Variants in AGAP6 observed in about 807,000 individuals in gnomAD.
AGAP6 encodes ArfGAP with GTPase domain, ankyrin repeat and PH domain 6.
AGAP6 carries 29 observed loss-of-function variants against 63.9 expected under a neutral mutation model. The ratio of observed to expected loss-of-function variants is 0.45; its 90% CI spans 0.34 to 0.62. AGAP6 has a LOEUF of 0.62. Among genes scored for constraint, AGAP6 ranks in the 20% least tolerant of loss-of-function variants. The probability of loss-of-function intolerance (pLI) is 0.01; values close to 1 mark genes in which losing one functional copy is unlikely to be tolerated. For missense variants in AGAP6, 493 were observed against 884.9 expected, an observed-to-expected ratio of 0.56 and a Z score of 5.62; for synonymous variants, 199 against 332.9, an observed-to-expected ratio of 0.60 and a Z score of 4.38.
chr10:49,995,461 C>G (rs1554861753), intron 4 of AGAP6, among the ~76,000 whole-genome samples: 1 of 152,122 alleles, frequency 6.6e-6, no homozygotes, highest in Non-Finnish European at 1.5e-5. Flanking sequence ...TGTTTTTCCC[C>G]CAAGTATTGT....
At chr10:50,006,663 G>A (rs558800109) in intron 6 of AGAP6, among the ~76,000 whole-genome samples, 74 of 152,182 alleles carry the variant, frequency 4.9e-4, no homozygotes, top group African/African-American at 1.7e-3. Flanking sequence ...TTTTACAGGC[G>A]TGAGCCACTG....
intron 3 of AGAP6, among the ~76,000 whole-genome samples, chr10:49,993,434 TTATTA>T (rs1247868908): frequency 6.6e-6 from 1 of 151,844 alleles, no homozygotes; most frequent in Non-Finnish European, 1.5e-5. Context: ...CTTGGGGCTT[TTATTA>T]TTCTGGCCTC....
intron 3 of AGAP6, among the ~76,000 whole-genome samples, chr10:49,993,165 C>G (rs1337009388): frequency 6.6e-6 from 1 of 152,192 alleles, no homozygotes; most frequent in Non-Finnish European, 1.5e-5. Context: ...CAAACACCTC[C>G]CACTAGGCCC....
intron 7 of AGAP6, 98 bp downstream of exon 7, chr10:50,008,174 A>G (rs1230760427): frequency 1.2e-6 from 2 of 1,601,284 alleles, no homozygotes; most frequent in Non-Finnish European, 1.7e-6. Flanking sequence ...TCCCCATTTC[A>G]TGTTGCATTT....
In AGAP6 at chr10:50,009,224, A is replaced by G. The variant is rs1554864856; in HGVS notation, c.1099A>G (p.Met367Val). 40 of 1,614,130 alleles carry G rather than the reference A, an allele frequency of 2.5e-5. No homozygotes were observed. The highest frequency in any genetic ancestry group is 4.5e-5 in the East Asian group (2 of 44,902). ...SSKSNGLSKD[M>V]DTGLGDSICF... ...TAAAAGCAATGGCCTATCCAAGGAC[A>G]TGGACACCGGGCTGGGTGACTCCAT... Residue 367 changes from methionine (M) to valine (V), a missense_variant, in exon 8 of 8, where the codon ATG (methionine) becomes GTG (valine). This residue lies in a region of AGAP6 where 342 missense variants were observed against 533.4 expected (regional missense o/e 0.64). Coordinates refer to ENST00000412531, the MANE Select transcript of AGAP6 (RefSeq NM_001077665.3).
chr10:50,001,463 G>A lies in AGAP6; in HGVS notation c.397-533G>A, dbSNP rs1451097372. Among the ~76,000 whole-genome samples, 99 of 103,184 alleles carry A rather than the reference G, an allele frequency of 9.6e-4. 1 individual carries two copies. The highest frequency in any genetic ancestry group is 3.2e-3 in the African/African-American group (94 of 29,548). 67.7% of individuals were successfully genotyped at this position (103,184 alleles called of 152,430 possible). ...GAGACGGAGTCTCACTTTGTCTGCC[G>A]GCCTGGAGTGCAGTGGCGCGAACTC... On this transcript the variant is annotated intron_variant, in intron 4 of 7. Transcript: ENST00000412531.
At chr10:50,005,101 A>G (rs1564714004) in intron 6 of AGAP6, among the ~76,000 whole-genome samples, 1 of 152,220 alleles carries the variant, frequency 6.6e-6, no homozygotes, top group Non-Finnish European at 1.5e-5. Flanking sequence ...TCTACCAACT[A>G]GATGTCAGTA....
chr10:50,005,373 A>G (rs1459093611), intron 6 of AGAP6, among the ~76,000 whole-genome samples: 5 of 152,204 alleles, frequency 3.3e-5, no homozygotes, highest in African/African-American at 1.2e-4. Context: ...GCACTTTGGG[A>G]GGCTGAGGCA....
chr10:49,988,425 T>G lies in AGAP6; in HGVS notation c.-291T>G, dbSNP rs1332221303. ...TCCGTCTGTTCTCTCTTCAGGCAGT[T>G]GTTGTGTCTCTCAGCGCTTGTTGGT... On this transcript the variant is annotated 5_prime_UTR_variant, in exon 1 of 8. Coordinates refer to ENST00000412531, the MANE Select transcript of AGAP6 (RefSeq NM_001077665.3). 1.5e-6 allele frequency: 2 copies of G among 1,351,120 alleles called. No homozygotes were observed. Among genetic ancestry groups the G allele is most frequent in the Non-Finnish European group, 1.9e-6 (2 of 1,043,724 alleles). The allele number at this position is 1,351,120 out of a possible 1,614,324, so 83.7% of individuals were successfully genotyped here.
chr10:50,005,349 C>A (rs1459373846), intron 6 of AGAP6, among the ~76,000 whole-genome samples: 2 of 152,180 alleles, frequency 1.3e-5, no homozygotes, highest in Non-Finnish European at 2.9e-5. Context: ...CGGTGGCTCA[C>A]GCCTGTAATC....
intron 6 of AGAP6, among the ~76,000 whole-genome samples, chr10:50,006,958 T>G (rs1418280466): frequency 6.6e-6 from 1 of 151,892 alleles, no homozygotes; most frequent in Non-Finnish European, 1.5e-5. Context: ...TGATTTATGC[T>G]GAGAAACCAG....
intron 2 of AGAP6, 78 bp from the exon 3 acceptor site, chr10:49,991,598 G>A: frequency 1.3e-6 from 2 of 1,573,234 alleles, no homozygotes; most frequent in Admixed American, 1.7e-5. Flanking sequence ...TAGCCTAAAT[G>A]CAGCAGTCGA....
At chr10:50,004,800 T>C in intron 6 of AGAP6, 80 bp downstream of exon 6, 1 of 614,774 alleles carries the variant, frequency 1.6e-6, no homozygotes, top group Non-Finnish European at 2.9e-6. Context: ...GTCACAGCTC[T>C]AGACATCATA....
At chr10:50,001,370 A>G (rs1177477859) in intron 4 of AGAP6, among the ~76,000 whole-genome samples, 5 of 145,498 alleles carry the variant, frequency 3.4e-5, no homozygotes, top group East Asian at 2.0e-4. Context: ...AGAAATTCTC[A>G]GCTGCTTTTT....
intron 6 of AGAP6, among the ~76,000 whole-genome samples, chr10:50,007,178 G>A (rs1169034351): frequency 2.4e-4 from 37 of 151,938 alleles, no homozygotes; most frequent in African/African-American, 8.7e-4. Flanking sequence ...GATTACCTGA[G>A]GTTAGGAGTT....
intron 4 of AGAP6, among the ~76,000 whole-genome samples, chr10:49,999,583 G>A (rs1841620086): frequency 8.1e-6 from 1 of 123,778 alleles, no homozygotes; most frequent in South Asian, 3.1e-4. Flanking sequence ...CTCACCACTT[G>A]TATTCAACAT....
chr10:50,005,726 GC>G (rs1206525810), intron 6 of AGAP6, among the ~76,000 whole-genome samples: 1 of 150,130 alleles, frequency 6.7e-6, no homozygotes, highest in Admixed American at 6.6e-5. Flanking sequence ...TTTGAGACCA[GC>G]CCGACCAACA....
chr10:49,998,697 G>A lies in AGAP6; in HGVS notation c.397-3299G>A, dbSNP rs374606969. Among the ~76,000 whole-genome samples, 737 of 141,996 alleles carry A rather than the reference G, an allele frequency of 5.2e-3. 91 individuals carry two copies. The highest frequency in any genetic ancestry group is 7.2e-3 in the South Asian group (30 of 4,184). 93.2% of individuals were successfully genotyped at this position (141,996 alleles called of 152,430 possible). A position where few individuals can be genotyped will look rare whatever the true frequency, so the allele number is the denominator to read the frequency against. On this transcript the variant is annotated intron_variant, in intron 4 of 7. Transcript: ENST00000412531. Reference sequence around the variant, plus strand: ...TTCTTAGTTTTGTTTTGGCTATGCCGGTTCTTGTTTGGTCCATATAAATTT... The same window carrying A: ...TTCTTAGTTTTGTTTTGGCTATGCCAGTTCTTGTTTGGTCCATATAAATTT...
Position 49,991,840 on chromosome 10 carries a change from A to G in AGAP6, c.361+96A>G. 8 of 1,555,520 alleles carry G rather than the reference A, an allele frequency of 5.1e-6. No homozygotes were observed. In the Admixed American group the frequency reaches 1.3e-4, roughly 26 times the overall value. ...TTTAGAAAAACTCATATTGGTTTAA[A>G]TTTTTCACCTTTTCACATGTTCACT... On this transcript the variant is annotated intron_variant, in intron 3 of 7. Transcript: ENST00000412531.
Sources: allele counts gnomAD v4.1 joint callset (sites outside exome capture counted in the v4.1 genomes callset), GRCh38; gene constraint gnomAD v4.1.1; regional missense constraint gnomAD v4.1.1; transcripts MANE v1.5; gene names NCBI Gene and HGNC (gene_info 2026-07-23, HGNC 2026-07-21).